CEP128: variants seen among roughly 807,000 people sequenced by gnomAD.
The protein encoded by CEP128 is centrosomal protein 128.
CEP128 carries 132 observed loss-of-function variants against 156.7 expected under a neutral mutation model. The observed-to-expected ratio is 0.84, with a 90% CI of 0.73 to 0.97. The LOEUF is 0.97. Among genes scored for constraint, CEP128 ranks in the 50% least tolerant of loss-of-function variants. The pLI, the probability that CEP128 is intolerant of heterozygous loss-of-function variation, is 0.00. For synonymous variants in CEP128, 469 were observed against 448.9 expected (o/e 1.04, Z -0.57); for missense variants, 1,252 against 1,281.9 (o/e 0.98, Z 0.36).
chr14:80,783,287 G>A (rs564226306), intron 15 of CEP128, among the ~76,000 whole-genome samples: 7 of 152,214 alleles, frequency 4.6e-5, no homozygotes, highest in Non-Finnish European at 8.8e-5. Flanking sequence ...TTACCTACCT[G>A]TCCTTGAGTC....
chr14:80,928,622 A>G (rs1382830777), intron 2 of CEP128, among the ~76,000 whole-genome samples: 1 of 152,190 alleles, frequency 6.6e-6, no homozygotes, highest in African/African-American at 2.4e-5. Context: ...ATAGATATGA[A>G]GAAAATCTCC....
At chr14:80,580,848 A>G (rs1891561515) in intron 19 of CEP128, among the ~76,000 whole-genome samples, 2 of 152,236 alleles carry the variant, frequency 1.3e-5, no homozygotes, top group South Asian at 4.1e-4. Flanking sequence ...CAAGCTCCCA[A>G]GCCAAGTTCC....
At position 80,932,040 on chromosome 14, in the gene CEP128, A is replaced by G. The variant is rs185784308; in HGVS notation, c.-16+7345T>C. ...GGGCAGTTACCCCCATGCTGTTCTC[A>G]TGATAGTAGTGAGTTCTCACAAGAT... On this transcript the variant is annotated intron_variant, in intron 2 of 24. Coordinates refer to ENST00000555265, the MANE Select transcript of CEP128 (RefSeq NM_152446.5). 4.2e-3 allele frequency among the ~76,000 whole-genome samples: 633 copies of G among 152,286 alleles called. 5 individuals are homozygous for G. Among genetic ancestry groups the G allele is most frequent in the Non-Finnish European group, 5.9e-3 (402 of 68,016 alleles).
rs1468209981 is a variant in CEP128 at position 80,505,019 on chromosome 14, C to T, written c.3074G>A (p.Gly1025Asp). 6.4e-6 allele frequency: 10 copies of T among 1,563,076 alleles called. No homozygotes were observed. The Middle Eastern group carries it at 5.1e-4, about 79-fold the overall frequency. Residue 1025 changes from glycine (G) to aspartate (D), a missense_variant and splice_region_variant, in exon 24 of 25, where the codon GGT becomes GAT. Transcript: ENST00000555265. The part of the protein sequence containing the change: ...DTKYRTKSFK[G>D]DRTFLEGSHT... ...GGAACCTTCCAGAAAGGTTCTGTCA[C>T]CCTAAGGAAAAAAAGGCACAGCATT...
At chr14:80,771,956 TA>T (rs1247308282) in intron 16 of CEP128, among the ~76,000 whole-genome samples, 9 of 152,220 alleles carry the variant, frequency 5.9e-5, no homozygotes, top group Non-Finnish European at 1.2e-4. Context: ...ACCTCATCTA[TA>T]AAATAAGGTA....
intron 21 of CEP128, among the ~76,000 whole-genome samples, chr14:80,549,561 T>C (rs892926749): frequency 3.9e-5 from 6 of 152,228 alleles, no homozygotes; most frequent in African/African-American, 1.4e-4. Flanking sequence ...TGTAAAGAGA[T>C]AAAGGCAAGT....
chr14:80,756,615 C>T (rs1899671590), intron 18 of CEP128, among the ~76,000 whole-genome samples: 1 of 152,140 alleles, frequency 6.6e-6, no homozygotes, highest in South Asian at 2.1e-4. Context: ...TTCTGTGTTC[C>T]TTTGTCAATG....
intron 24 of CEP128, among the ~76,000 whole-genome samples, chr14:80,500,357 T>C (rs1361154018): frequency 6.6e-6 from 1 of 152,194 alleles, no homozygotes; most frequent in Non-Finnish European, 1.5e-5. Flanking sequence ...CTGACTGTTC[T>C]GTGGGCCCAG....
intron 19 of CEP128, among the ~76,000 whole-genome samples, chr14:80,670,616 C>T (rs191392804): frequency 3.2e-4 from 49 of 152,100 alleles, no homozygotes; most frequent in Admixed American, 2.2e-3. Context: ...ATAATAGATA[C>T]TGGAGATTAG....
At chr14:80,500,119 G>A (rs1887668084) in intron 24 of CEP128, among the ~76,000 whole-genome samples, 2 of 152,144 alleles carry the variant, frequency 1.3e-5, no homozygotes, top group East Asian at 3.8e-4. Flanking sequence ...ACACAAAGCT[G>A]ACATAAATTA....
At chr14:80,681,216 G>GA (rs1293265851) in intron 19 of CEP128, among the ~76,000 whole-genome samples, 3 of 151,398 alleles carry the variant, frequency 2.0e-5, no homozygotes, top group East Asian at 3.9e-4. Context: ...AAAAAGAAAG[G>GA]AAAAAAATAT....
intron 24 of CEP128, among the ~76,000 whole-genome samples, chr14:80,502,172 T>C (rs1440004031): frequency 1.3e-5 from 2 of 152,192 alleles, no homozygotes; most frequent in African/African-American, 4.8e-5. Context: ...CAATAAAAAC[T>C]GCTGCTAACA....
intron 19 of CEP128, among the ~76,000 whole-genome samples, chr14:80,672,418 C>A (rs1398182341): frequency 6.6e-6 from 1 of 151,504 alleles, no homozygotes; most frequent in Non-Finnish European, 1.5e-5. Context: ...TTGAAATAAT[C>A]TAATTTCTAT....
At chr14:80,658,414 AATAAAT>A (rs1895265444) in intron 19 of CEP128, among the ~76,000 whole-genome samples, 1 of 152,202 alleles carries the variant, frequency 6.6e-6, no homozygotes, top group Admixed American at 6.5e-5. Context: ...CTCCTCAATG[AATAAAT>A]ATATCAAAGC....
At chr14:80,876,226 G>A (rs766205527) in intron 8 of CEP128, among the ~76,000 whole-genome samples, 13 of 151,532 alleles carry the variant, frequency 8.6e-5, no homozygotes, top group Non-Finnish European at 1.9e-4. Flanking sequence ...GCTTATCACA[G>A]TAAAACTATA....
intron 2 of CEP128, chr14:80,956,056 C>T: frequency 3.1e-6 from 2 of 641,722 alleles, no homozygotes; most frequent in Non-Finnish European, 5.6e-6. Context: ...TTGACATCCT[C>T]ATTCCCAACA....
At chr14:80,782,300 C>A (rs920228936) in intron 15 of CEP128, among the ~76,000 whole-genome samples, 7 of 152,206 alleles carry the variant, frequency 4.6e-5, no homozygotes, top group Non-Finnish European at 8.8e-5. Flanking sequence ...ACAACAGCAA[C>A]CACTGCATGA....
At chr14:80,700,536 A>C (rs1897040755) in intron 19 of CEP128, among the ~76,000 whole-genome samples, 1 of 150,536 alleles carries the variant, frequency 6.6e-6, no homozygotes, top group Non-Finnish European at 1.5e-5. Context: ...CCCCCCAAAA[A>C]AGCCATATTT....
At chr14:80,916,646 T>A in intron 2 of CEP128, 84 bp from the exon 3 acceptor site, 1 of 1,100,060 alleles carries the variant, frequency 9.1e-7, no homozygotes. Context: ...ACTTTTGATC[T>A]CTTTTCTATG....
Sources: allele counts gnomAD v4.1 joint callset (sites outside exome capture counted in the v4.1 genomes callset), GRCh38; gene constraint gnomAD v4.1.1; transcripts MANE v1.5; gene names NCBI Gene and HGNC (gene_info 2026-07-23, HGNC 2026-07-21).